BMPER: variants seen among roughly 807,000 people sequenced by gnomAD.
BMPER encodes BMP binding endothelial regulator, also known as BMP-binding endothelial regulator protein.
In BMPER, 45 loss-of-function variants were observed where a neutral mutation model predicts 87.3. The ratio of observed to expected loss-of-function variants is 0.52; its 90% CI spans 0.41 to 0.66. The LOEUF (loss-of-function observed/expected upper bound fraction) is 0.66, where lower values mean the gene tolerates loss of function less well. BMPER is among the 30% of genes least tolerant of loss of function. The pLI is 0.00. For missense variants in BMPER, 784 were observed against 867.5 expected, an observed-to-expected ratio of 0.90 and a Z score of 1.21; for synonymous variants, 326 against 316.2, an observed-to-expected ratio of 1.03 and a Z score of -0.33.
chr7:33,971,991 C>T (rs1210736147), intron 5 of BMPER, among the ~76,000 whole-genome samples: 4 of 151,296 alleles, frequency 2.6e-5, no homozygotes, highest in Admixed American at 1.3e-4. Flanking sequence ...CAACCTCTGC[C>T]TCCCTGGTTC....
At chr7:34,063,145 A>C (rs1243500166) in intron 11 of BMPER, among the ~76,000 whole-genome samples, 2 of 152,216 alleles carry the variant, frequency 1.3e-5, no homozygotes, top group Non-Finnish European at 2.9e-5. Context: ...CTGTCAAATT[A>C]GTTCCCATGT....
intron 2 of BMPER, among the ~76,000 whole-genome samples, chr7:33,927,480 A>T (rs1409302945): frequency 1.3e-5 from 2 of 152,104 alleles, no homozygotes; most frequent in East Asian, 1.9e-4. Flanking sequence ...TCTACCCTTG[A>T]CAGAGAGTCA....
chr7:34,056,627 T>C (rs1788293307), intron 9 of BMPER, among the ~76,000 whole-genome samples: 1 of 151,338 alleles, frequency 6.6e-6, no homozygotes, highest in Admixed American at 6.6e-5. Flanking sequence ...TTTTTTTTTT[T>C]TTTTTTTTTA....
chr7:33,907,801 A>G (rs1783859475), intron 2 of BMPER, among the ~76,000 whole-genome samples: 1 of 152,232 alleles, frequency 6.6e-6, no homozygotes, highest in African/African-American at 2.4e-5. Flanking sequence ...ATAGAGGACT[A>G]CTTGTTGCTA....
chr7:33,956,003 T>G (rs1785138697), intron 3 of BMPER, among the ~76,000 whole-genome samples: 1 of 151,896 alleles, frequency 6.6e-6, no homozygotes, highest in African/African-American at 2.4e-5. Context: ...AGCAGTGAGC[T>G]GTTCATAGAC....
intron 14 of BMPER, among the ~76,000 whole-genome samples, chr7:34,144,092 G>C (rs555854127): frequency 6.6e-6 from 1 of 152,270 alleles, no homozygotes; most frequent in South Asian, 2.1e-4. Context: ...CCATTGGAGA[G>C]GGCTGAGATG....
rs532824259 is a variant in BMPER at position 34,106,249 on chromosome 7, G to C, written c.1745+20157G>C. 1.5e-3 allele frequency among the ~76,000 whole-genome samples: 236 copies of C among 152,262 alleles called. 2 individuals carry two copies. The highest frequency in any genetic ancestry group is 2.7e-3 in the Non-Finnish European group (187 of 68,016). On this transcript the variant is annotated intron_variant, in intron 13 of 14. Coordinates refer to ENST00000649409, the MANE Select transcript of BMPER (RefSeq NM_001365308.1). ...TTTGAAACCTTATAGGCATAATTAG[G>C]CATGATTGATTTCATCCTGCCTTTC...
At chr7:34,032,775 A>G (rs1787562457) in intron 6 of BMPER, among the ~76,000 whole-genome samples, 1 of 152,174 alleles carries the variant, frequency 6.6e-6, no homozygotes, top group African/African-American at 2.4e-5. Context: ...AATGTTGAAC[A>G]CTTTGCTCTA....
intron 13 of BMPER, among the ~76,000 whole-genome samples, chr7:34,103,828 A>G (rs560201437): frequency 6.6e-6 from 1 of 152,314 alleles, no homozygotes; most frequent in East Asian, 1.9e-4. Flanking sequence ...GAAAACAGAG[A>G]ACCAGTCTTC....
intron 6 of BMPER, among the ~76,000 whole-genome samples, chr7:34,016,660 G>A (rs548290729): frequency 6.6e-6 from 1 of 152,048 alleles, no homozygotes; most frequent in South Asian, 2.1e-4. Flanking sequence ...CACCTCACCT[G>A]TATTGGATGT....
At chr7:34,011,123 T>C (rs1323277338) in intron 6 of BMPER, among the ~76,000 whole-genome samples, 7 of 151,894 alleles carry the variant, frequency 4.6e-5, no homozygotes, top group Admixed American at 3.3e-4. Flanking sequence ...ATGATTCTAG[T>C]AAGGCTACCT....
chr7:33,963,428 T>G (rs1785320267), intron 3 of BMPER, among the ~76,000 whole-genome samples: 1 of 152,178 alleles, frequency 6.6e-6, no homozygotes, highest in African/African-American at 2.4e-5. Flanking sequence ...TTTGTCTCTT[T>G]GAAATTCAAT....
intron 6 of BMPER, among the ~76,000 whole-genome samples, chr7:34,016,175 C>T (rs1309014029): frequency 1.3e-5 from 2 of 151,916 alleles, no homozygotes; most frequent in East Asian, 1.9e-4. Context: ...ATTTTATCCT[C>T]TCTCCAGGAA....
intron 13 of BMPER, among the ~76,000 whole-genome samples, chr7:34,087,228 G>T (rs974704939): frequency 6.6e-6 from 1 of 152,114 alleles, no homozygotes; most frequent in Non-Finnish European, 1.5e-5. Flanking sequence ...CCATTTTCCT[G>T]TTATAACTTG....
At chr7:34,071,947 A>C (rs577613663) in intron 11 of BMPER, among the ~76,000 whole-genome samples, 2 of 152,308 alleles carry the variant, frequency 1.3e-5, no homozygotes. Context: ...ACATTTCTTC[A>C]GATTATCAAA....
intron 7 of BMPER, among the ~76,000 whole-genome samples, chr7:34,046,811 A>G (rs1006740590): frequency 6.6e-6 from 1 of 152,230 alleles, no homozygotes; most frequent in Non-Finnish European, 1.5e-5. Flanking sequence ...GAAGAAACAC[A>G]TGCAAGAAAA....
chr7:34,109,627 G>A (rs754580067), intron 13 of BMPER, among the ~76,000 whole-genome samples: 6 of 152,184 alleles, frequency 3.9e-5, no homozygotes, highest in Admixed American at 1.3e-4. Flanking sequence ...TTAGCTCAGT[G>A]AACAGTTACT....
intron 4 of BMPER, among the ~76,000 whole-genome samples, chr7:33,966,795 T>C (rs1785417796): frequency 6.6e-6 from 1 of 152,208 alleles, no homozygotes; most frequent in Admixed American, 6.5e-5. Context: ...TGTCCACCAT[T>C]GTTAAATTGT....
At chr7:34,068,031 C>T (rs1788638156) in intron 11 of BMPER, among the ~76,000 whole-genome samples, 1 of 151,872 alleles carries the variant, frequency 6.6e-6, no homozygotes, top group South Asian at 2.1e-4. Flanking sequence ...TCATCATCCA[C>T]AGATAACAAT....
Sources: allele counts gnomAD v4.1 joint callset (sites outside exome capture counted in the v4.1 genomes callset), GRCh38; gene constraint gnomAD v4.1.1; transcripts MANE v1.5; gene names NCBI Gene and HGNC (gene_info 2026-07-23, HGNC 2026-07-21).